The following DDR2 variants were observed in gnomAD, a reference collection of about 807,000 sequenced individuals.
The protein encoded by DDR2 is discoidin domain receptor tyrosine kinase 2.
Under a neutral mutation model 94.9 loss-of-function variants are expected in DDR2, and 27 were observed. That is an observed-to-expected ratio of 0.28 (90% CI 0.21 to 0.39). DDR2 has a LOEUF of 0.39. Ranked by LOEUF, DDR2 falls within the 10% of genes least tolerant of loss-of-function variation. The probability of loss-of-function intolerance (pLI) is 1.00; values close to 1 mark genes in which losing one functional copy is unlikely to be tolerated. For missense variants in DDR2, 783 were observed against 1,076.0 expected, an observed-to-expected ratio of 0.73 and a Z score of 3.81; for synonymous variants, 382 against 377.2, an observed-to-expected ratio of 1.01 and a Z score of -0.15.
At chr1:162,684,470 C>G (rs1339260571) in intron 2 of DDR2, among the ~76,000 whole-genome samples, 1 of 152,074 alleles carries the variant, frequency 6.6e-6, no homozygotes, top group Non-Finnish European at 1.5e-5. Context: ...TTCTTCCCAA[C>G]TAACACCACT....
intron 2 of DDR2, among the ~76,000 whole-genome samples, chr1:162,688,681 C>T (rs1475824021): frequency 6.6e-6 from 1 of 152,204 alleles, no homozygotes; most frequent in Non-Finnish European, 1.5e-5. Context: ...TGCCATGACG[C>T]ACGGAGGAGG....
chr1:162,718,967 T>C (rs1044154120), intron 2 of DDR2, 70 bp from the exon 3 acceptor site: 11 of 1,438,204 alleles, frequency 7.6e-6, no homozygotes, highest in African/African-American at 2.8e-5. Context: ...CTCATTCATG[T>C]TGGCAGTATC....
At chr1:162,763,336 C>CTTTTTTTT (rs56323242) in intron 9 of DDR2, among the ~76,000 whole-genome samples, 3 of 56,542 alleles carry the variant, frequency 5.3e-5, no homozygotes, top group African/African-American at 7.5e-5. Context: ...CCACGCCCGG[C>CTTTTTTTT]TTTTTTTTTT....
At position 162,759,796 on chromosome 1, in the gene DDR2, C is replaced by T. The variant is rs2102149295; in HGVS notation, c.672C>T (p.Ser224=). The T allele has an allele frequency of 1.2e-6, 2 of 1,613,870 alleles. No homozygotes were observed. Among genetic ancestry groups the T allele is most frequent in the Non-Finnish European group, 1.7e-6 (2 of 1,180,010 alleles). The change falls in exon 8 of 18, where the codon AGC becomes AGT. Residue 224 remains serine (S), a splice_region_variant and synonymous_variant. Transcript: ENST00000367921. ...DSVYDGAVGY[S]MTEGLGQLTD... ...CCTCCTCTTCTCCTGGCCTGAGCAG[C>T]ATGACAGAAGGGCTAGGCCAATTGA...
chr1:162,712,179 G>A (rs1362878870), intron 2 of DDR2, among the ~76,000 whole-genome samples: 1 of 149,340 alleles, frequency 6.7e-6, no homozygotes, highest in East Asian at 2.0e-4. Flanking sequence ...ATGGTGTCAT[G>A]TGTGTACAAC....
intron 2 of DDR2, among the ~76,000 whole-genome samples, chr1:162,699,882 G>C (rs897928066): frequency 6.6e-6 from 1 of 152,118 alleles, no homozygotes; most frequent in Non-Finnish European, 1.5e-5. Context: ...CAAATAAATA[G>C]TTTAGATAAC....
At chr1:162,718,431 C>T (rs1661268226) in intron 2 of DDR2, among the ~76,000 whole-genome samples, 1 of 152,172 alleles carries the variant, frequency 6.6e-6, no homozygotes, top group African/African-American at 2.4e-5. Context: ...CAGGCATATA[C>T]ACATATCTAT....
intron 14 of DDR2, 102 bp from the exon 15 acceptor site, chr1:162,775,550 A>G: frequency 7.8e-7 from 1 of 1,283,114 alleles, no homozygotes; most frequent in Admixed American, 1.7e-5. Context: ...GGGAAACAAG[A>G]TTTGGCATAA....
rs763712974 is a variant in DDR2 at position 162,780,102 on chromosome 1, G to A, written c.2434-10G>A. 6.2e-7 allele frequency: 1 copy of A among 1,612,456 alleles called. No homozygotes were observed. The highest frequency in any genetic ancestry group is 8.5e-7 in the Non-Finnish European group (1 of 1,179,498). On this transcript the variant is annotated splice_polypyrimidine_tract_variant and intron_variant, in intron 17 of 17. Transcript: ENST00000367921. ...CTCTCTTTTGTTTTCCTTTATTTTT[G>A]TTCCCAAAGACTTACCTCCCTCAAC...
chr1:162,663,258 G>C (rs768828104), intron 2 of DDR2, among the ~76,000 whole-genome samples: 3 of 152,062 alleles, frequency 2.0e-5, no homozygotes, highest in Non-Finnish European at 4.4e-5. Flanking sequence ...GTGACATCTG[G>C]CAGTCAAATA....
chr1:162,655,937 C>T (rs1394319959), intron 2 of DDR2, among the ~76,000 whole-genome samples: 2 of 152,030 alleles, frequency 1.3e-5, no homozygotes, highest in African/African-American at 4.8e-5. Flanking sequence ...AAAACCTAGC[C>T]CAGGGATACT....
intron 3 of DDR2, among the ~76,000 whole-genome samples, chr1:162,744,242 G>A (rs561506543): frequency 1.2e-4 from 18 of 152,334 alleles, no homozygotes; most frequent in African/African-American, 4.3e-4. Context: ...ATGTTGTACA[G>A]TGGATCTCTA....
At chr1:162,636,081 T>C (rs1301658534) in intron 1 of DDR2, among the ~76,000 whole-genome samples, 1 of 152,236 alleles carries the variant, frequency 6.6e-6, no homozygotes, top group African/African-American at 2.4e-5. Flanking sequence ...TTTGTATATG[T>C]TTAAATGTGC....
chr1:162,668,420 A>G (rs1658683501), intron 2 of DDR2, among the ~76,000 whole-genome samples: 1 of 152,218 alleles, frequency 6.6e-6, no homozygotes, highest in African/African-American at 2.4e-5. Flanking sequence ...AAGTGATCAC[A>G]AACTGGGTGG....
At chr1:162,659,251 G>A (rs771996433) in intron 2 of DDR2, among the ~76,000 whole-genome samples, 21 of 152,308 alleles carry the variant, frequency 1.4e-4, no homozygotes, top group Non-Finnish European at 2.6e-4. Flanking sequence ...CTGACAAATG[G>A]TTGAAGGAAG....
intron 2 of DDR2, among the ~76,000 whole-genome samples, chr1:162,709,578 C>T (rs1423150546): frequency 6.6e-6 from 1 of 152,194 alleles, no homozygotes; most frequent in Non-Finnish European, 1.5e-5. Context: ...GGCATGTTTC[C>T]TTGGTTGCTT....
intron 9 of DDR2, 29 bp from the exon 10 acceptor site, chr1:162,765,972 G>C: frequency 1.2e-6 from 2 of 1,612,842 alleles, no homozygotes; most frequent in Non-Finnish European, 1.7e-6. Flanking sequence ...TCTTCTCCCT[G>C]GCTCTGACTC....
At chr1:162,671,019 G>A (rs1010666370) in intron 2 of DDR2, among the ~76,000 whole-genome samples, 2 of 152,176 alleles carry the variant, frequency 1.3e-5, no homozygotes, top group Non-Finnish European at 2.9e-5. Flanking sequence ...CACAGTAAAT[G>A]AGGGGTGTGG....
At chr1:162,770,694 C>T in intron 12 of DDR2, 182 bp downstream of exon 12, 1 of 731,742 alleles carries the variant, frequency 1.4e-6, no homozygotes, top group Non-Finnish European at 2.5e-6. Context: ...AGCAACTCTC[C>T]TTTGCTACTG....
Sources: allele counts gnomAD v4.1 joint callset (sites outside exome capture counted in the v4.1 genomes callset), GRCh38; gene constraint gnomAD v4.1.1; transcripts MANE v1.5; gene names NCBI Gene and HGNC (gene_info 2026-07-23, HGNC 2026-07-21).